CCDC141: variants seen among roughly 807,000 people sequenced by gnomAD.
The protein encoded by CCDC141 is coiled-coil domain-containing protein 141.
In CCDC141, 168 loss-of-function variants were observed where a neutral mutation model predicts 181.0. The observed-to-expected ratio is 0.93, with a 90% CI of 0.82 to 1.05. The LOEUF (loss-of-function observed/expected upper bound fraction) is 1.05, where lower values mean the gene tolerates loss of function less well. CCDC141 is among the 50% of genes least tolerant of loss of function. The pLI is 0.00. For missense variants in CCDC141, 1,902 were observed against 1,788.5 expected (o/e 1.06, Z -1.14); for synonymous variants, 666 against 642.3 (o/e 1.04, Z -0.56).
intron 1 of CCDC141, 27 bp from the exon 2 acceptor site, chr2:179,047,433 A>T: frequency 6.7e-7 from 1 of 1,481,728 alleles, no homozygotes; most frequent in Non-Finnish European, 8.9e-7. Context: ...AATAAAATGC[A>T]CTTTTAGTTC....
Position 178,878,071 on chromosome 2 carries a change from T to A in CCDC141, c.1792A>T (p.Lys598Ter), listed in dbSNP as rs746793826. ...EIPQKEQDDA[K>*]AKHCSDSAEK... ...GCCGAGTCAGAACAATGCTTGGCTT[T>A]AGCATCATCCTGCTCCTTCTGAGGG... Residue 598 changes from lysine (K) to a stop codon, truncating the protein, a stop_gained, in exon 12 of 24, where the codon AAA becomes TAA. Transcript: ENST00000443758. LOFTEE classifies it high-confidence loss of function. 6.2e-7 allele frequency: 1 copy of A among 1,613,660 alleles called. No homozygotes were observed. Among genetic ancestry groups the A allele is most frequent in the African/African-American group, 1.3e-5 (1 of 74,916 alleles).
At chr2:178,854,667 T>C (rs1263301357) in intron 19 of CCDC141, among the ~76,000 whole-genome samples, 6 of 152,238 alleles carry the variant, frequency 3.9e-5, no homozygotes, top group African/African-American at 1.2e-4. Context: ...CACAAACTTA[T>C]ACATCATATG....
At chr2:178,880,303 T>C (rs1212399104) in intron 11 of CCDC141, among the ~76,000 whole-genome samples, 1 of 152,230 alleles carries the variant, frequency 6.6e-6, no homozygotes, top group East Asian at 1.9e-4. Context: ...ATAAAAGTTA[T>C]TTGCAATTGC....
chr2:179,030,800 T>C (rs947511887), intron 2 of CCDC141, among the ~76,000 whole-genome samples: 3 of 152,106 alleles, frequency 2.0e-5, no homozygotes, highest in African/African-American at 7.2e-5. Context: ...TACTGCTTTA[T>C]TAATTGCCTT....
intron 6 of CCDC141, among the ~76,000 whole-genome samples, chr2:178,930,091 ATAAAT>A (rs1007525432): frequency 9.2e-5 from 14 of 152,258 alleles, no homozygotes; most frequent in African/African-American, 2.9e-4. Context: ...ATTAAAGCAA[ATAAAT>A]TAAATCAGTA....
intron 4 of CCDC141, among the ~76,000 whole-genome samples, chr2:178,971,728 T>C (rs534831819): frequency 1.3e-5 from 2 of 152,228 alleles, no homozygotes; most frequent in East Asian, 3.9e-4. Flanking sequence ...ACACACACCA[T>C]AGAATACTAT....
intron 10 of CCDC141, among the ~76,000 whole-genome samples, chr2:178,885,781 C>A (rs1475806999): frequency 6.6e-6 from 1 of 152,108 alleles, no homozygotes; most frequent in Non-Finnish European, 1.5e-5. Context: ...TGAGACCAAC[C>A]TAAAAACCAA....
chr2:179,030,672 G>A (rs1674420649), intron 2 of CCDC141, among the ~76,000 whole-genome samples: 1 of 151,890 alleles, frequency 6.6e-6, no homozygotes, highest in African/African-American at 2.4e-5. Context: ...ACTTTTCTAA[G>A]TAAAATAATT....
chr2:178,983,947 T>A (rs1353926651), intron 2 of CCDC141, among the ~76,000 whole-genome samples: 1 of 149,584 alleles, frequency 6.7e-6, no homozygotes, highest in Non-Finnish European at 1.5e-5. Flanking sequence ...AACGTTCAGA[T>A]TCAGGAAATA....
At chr2:178,982,722 C>T (rs896633870) in intron 2 of CCDC141, among the ~76,000 whole-genome samples, 5 of 152,184 alleles carry the variant, frequency 3.3e-5, no homozygotes, top group Admixed American at 6.5e-5. Context: ...CCTGGAGAAT[C>T]GGGTCACTCC....
At position 179,027,646 on chromosome 2, in the gene CCDC141, C is replaced by CAAAAAAA. The variant is rs71023466; in HGVS notation, c.225+19631_225+19637dup. 4.7e-4 allele frequency among the ~76,000 whole-genome samples: 25 copies of CAAAAAAA among 53,274 alleles called. 3 individuals carry two copies. Among genetic ancestry groups the CAAAAAAA allele is most frequent in the African/African-American group, 1.0e-3 (15 of 14,462 alleles). 34.9% of individuals were successfully genotyped at this position (53,274 alleles called of 152,430 possible). A position where few individuals can be genotyped will look rare whatever the true frequency, so the allele number is the denominator to read the frequency against. On this transcript the variant is annotated intron_variant, in intron 2 of 23. Coordinates refer to ENST00000443758, the MANE Select transcript of CCDC141 (RefSeq NM_173648.4). ...GGCAACAGAGTGAGACTCTTACTCT[C>CAAAAAAA]AAAAAAAAAAAAAAAAAAAAAAAAA...
At chr2:178,846,812 A>T (rs1017705489) in intron 21 of CCDC141, among the ~76,000 whole-genome samples, 5 of 152,124 alleles carry the variant, frequency 3.3e-5, no homozygotes, top group African/African-American at 1.2e-4. Context: ...TCGTCTCAAC[A>T]TTATTTGGAA....
intron 21 of CCDC141, among the ~76,000 whole-genome samples, chr2:178,848,577 G>T (rs1048827453): frequency 3.3e-5 from 5 of 152,170 alleles, no homozygotes. Context: ...AGCTCTTTCA[G>T]GAAGAATAGC....
chr2:178,851,262 C>G (rs1481414426), intron 20 of CCDC141, among the ~76,000 whole-genome samples: 1 of 146,896 alleles, frequency 6.8e-6, no homozygotes, highest in East Asian at 2.0e-4. Context: ...AATGGGGGAA[C>G]AAGGATTTGA....
At chr2:179,015,035 T>G (rs147609384) in intron 2 of CCDC141, among the ~76,000 whole-genome samples, 4,153 of 120,304 alleles carry the variant, frequency 0.035, 92 homozygotes, top group South Asian at 0.057. Flanking sequence ...TGCCCATCAA[T>G]CAATGAGTGG....
At chr2:178,935,061 GAAACA>G (rs1259096394) in intron 6 of CCDC141, among the ~76,000 whole-genome samples, 2 of 152,130 alleles carry the variant, frequency 1.3e-5, no homozygotes, top group Non-Finnish European at 2.9e-5. Context: ...GATGGGAAAG[GAAACA>G]AAACAATATT....
chr2:178,951,133 A>T (rs1689935773), intron 5 of CCDC141, among the ~76,000 whole-genome samples: 1 of 152,238 alleles, frequency 6.6e-6, no homozygotes, highest in African/African-American at 2.4e-5. Context: ...AGCAGTGGAA[A>T]GACATTGTTT....
At chr2:179,015,093 T>TATATATATATA (rs1328600062) in intron 2 of CCDC141, among the ~76,000 whole-genome samples, 1 of 41,994 alleles carries the variant, frequency 2.4e-5, no homozygotes, top group African/African-American at 7.6e-5. Context: ...TATATATATA[T>TATATATATATA]ATATATATAT....
rs559568490 is a variant in CCDC141, at chr2:178,977,417, A to C, written c.417+1067T>G. On this transcript the variant is annotated intron_variant, in intron 3 of 23. Transcript: ENST00000443758. The stretch of plus-strand genomic sequence containing the variant: ...ATAGAGTGAATCAGATATAGCTATA[A>C]TTTGGCCTCTGTAGGTGTATTTCAG... Among the ~76,000 whole-genome samples the C allele has an allele frequency of 1.3e-4, 20 of 152,272 alleles. 1 individual carries two copies. The South Asian group carries it at 4.1e-3, about 32-fold the overall frequency.
Sources: gnomAD v4.1 joint callset for allele counts (sites outside exome capture counted in the v4.1 genomes callset) on GRCh38, gnomAD v4.1.1 for gene constraint, MANE v1.5 for transcripts, NCBI Gene and HGNC (gene_info 2026-07-23, HGNC 2026-07-21) for gene names.